Variants in CNTNAP2 observed in about 807,000 individuals in gnomAD.
CNTNAP2 encodes the protein contactin-associated protein-like 2.
A neutral mutation model predicts 155.2 loss-of-function variants in CNTNAP2; 98 were observed. The observed-to-expected ratio is 0.63, with a 90% CI of 0.54 to 0.75. CNTNAP2 has a LOEUF of 0.75. CNTNAP2 is among the 30% of genes least tolerant of loss of function. The pLI is 0.00. For missense variants in CNTNAP2, 1,727 were observed against 1,688.1 expected (o/e 1.02, Z -0.40); for synonymous variants, 651 against 631.2 (o/e 1.03, Z -0.47).
At chr7:146,496,184 G>T (rs1035324635) in intron 1 of CNTNAP2, among the ~76,000 whole-genome samples, 1 of 152,112 alleles carries the variant, frequency 6.6e-6, no homozygotes, top group African/African-American at 2.4e-5. Context: ...TGATGATCAA[G>T]TCTCCTAAGC....
chr7:146,595,996 T>C (rs985668791), intron 1 of CNTNAP2, among the ~76,000 whole-genome samples: 3 of 152,066 alleles, frequency 2.0e-5, no homozygotes, highest in African/African-American at 4.8e-5. Context: ...TTTACTGATA[T>C]TGTAGCACTG....
intron 1 of CNTNAP2, among the ~76,000 whole-genome samples, chr7:146,673,866 A>G (rs1232271237): frequency 6.6e-6 from 1 of 152,152 alleles, no homozygotes; most frequent in Non-Finnish European, 1.5e-5. Context: ...TATAGGCATG[A>G]GCCATTGCAC....
chr7:147,292,876 TCTC>T (rs1473573617), intron 8 of CNTNAP2, among the ~76,000 whole-genome samples: 1 of 152,164 alleles, frequency 6.6e-6, no homozygotes, highest in Middle Eastern at 3.2e-3. Flanking sequence ...TTCAGGTGAT[TCTC>T]CTGCCTCAGC....
At chr7:147,483,563 C>T (rs765974287) in intron 10 of CNTNAP2, among the ~76,000 whole-genome samples, 33 of 152,118 alleles carry the variant, frequency 2.2e-4, no homozygotes, top group Admixed American at 3.9e-4. Flanking sequence ...TACTTAGTAC[C>T]CTTCTGCACT....
chr7:148,301,306 A>AAAATATATATATATATATATAT, intron 21 of CNTNAP2, among the ~76,000 whole-genome samples: 11 of 103,870 alleles, frequency 1.1e-4, no homozygotes, highest in Non-Finnish European at 1.5e-4. Flanking sequence ...AAAAAAAAAA[A>AAAATATATATATATATATATAT]ATATATATAT....
chr7:146,146,116 A>G (rs961806104), intron 1 of CNTNAP2, among the ~76,000 whole-genome samples: 3 of 152,198 alleles, frequency 2.0e-5, no homozygotes, highest in Admixed American at 2.0e-4. Flanking sequence ...AAAGAAATGT[A>G]TAACATATCA....
chr7:146,969,971 A>G (rs1417666433), intron 3 of CNTNAP2, among the ~76,000 whole-genome samples: 1 of 152,222 alleles, frequency 6.6e-6, no homozygotes, highest in Non-Finnish European at 1.5e-5. Flanking sequence ...AGGATTCCCT[A>G]TTTAATAAAT....
At chr7:147,330,459 A>G (rs925721857) in intron 9 of CNTNAP2, among the ~76,000 whole-genome samples, 5 of 152,148 alleles carry the variant, frequency 3.3e-5, no homozygotes, top group African/African-American at 7.2e-5. Context: ...GAGGTTTGTG[A>G]GAACCCAAGA....
chr7:147,177,698 T>C lies in CNTNAP2; in HGVS notation c.1348+45189T>C, dbSNP rs147439935. ...AAACCAAAATATAGGGGAAACTGCA[T>C]AGACTTGGTGTTTGTTGGTAGGATG... On this transcript the variant is annotated intron_variant, in intron 8 of 23. Coordinates refer to ENST00000361727, the MANE Select transcript of CNTNAP2 (RefSeq NM_014141.6). Among the ~76,000 whole-genome samples the C allele has an allele frequency of 3.8e-3, 580 of 152,274 alleles. 6 individuals carry two copies. The highest frequency in any genetic ancestry group is 0.013 in the African/African-American group (554 of 41,564).
At chr7:148,311,113 T>A (rs2116517477) in intron 21 of CNTNAP2, among the ~76,000 whole-genome samples, 1 of 151,758 alleles carries the variant, frequency 6.6e-6, no homozygotes, top group East Asian at 1.9e-4. Flanking sequence ...AGAGTTGATA[T>A]AAGGAGAAAG....
At chr7:148,402,726 ATAAT>A (rs1799616539) in intron 22 of CNTNAP2, among the ~76,000 whole-genome samples, 2 of 152,212 alleles carry the variant, frequency 1.3e-5, no homozygotes, top group African/African-American at 4.8e-5. Context: ...AAATTAAATT[ATAAT>A]TAATAGCAGC....
chr7:147,073,755 C>A (rs1799943017), intron 4 of CNTNAP2, among the ~76,000 whole-genome samples: 1 of 151,956 alleles, frequency 6.6e-6, no homozygotes, highest in Non-Finnish European at 1.5e-5. Flanking sequence ...AGAGATCATG[C>A]AAGATGAGGA....
chr7:148,138,542 G>A lies in CNTNAP2; in HGVS notation c.2555-8949G>A, dbSNP rs747871946. ...CTTAAATGAGTTTTCTCATTTTGCCGCACAACCTGAATATGGTCGGAAGAA... is the reference window on the plus strand; with the variant it reads ...CTTAAATGAGTTTTCTCATTTTGCCACACAACCTGAATATGGTCGGAAGAA... On this transcript the variant is annotated intron_variant, in intron 16 of 23. Transcript: ENST00000361727. Among the ~76,000 whole-genome samples, 8 of 152,138 alleles carry A rather than the reference G, an allele frequency of 5.3e-5. No homozygotes were observed. The South Asian group carries it at 8.3e-4, about 16-fold the overall frequency.
chr7:146,127,168 C>A (rs1174635810), intron 1 of CNTNAP2, among the ~76,000 whole-genome samples: 1 of 152,168 alleles, frequency 6.6e-6, no homozygotes, highest in African/African-American at 2.4e-5. Flanking sequence ...AATCATATTT[C>A]TCTTATACCT....
At chr7:148,334,309 G>A (rs1004334851) in intron 21 of CNTNAP2, among the ~76,000 whole-genome samples, 1 of 152,154 alleles carries the variant, frequency 6.6e-6, no homozygotes, top group Non-Finnish European at 1.5e-5. Context: ...GGCAAGAGAA[G>A]CACAGTTCAC....
chr7:146,615,429 C>G (rs1344740730), intron 1 of CNTNAP2, among the ~76,000 whole-genome samples: 1 of 152,100 alleles, frequency 6.6e-6, no homozygotes, highest in Admixed American at 6.6e-5. Flanking sequence ...GACATTTCTT[C>G]CTGTGAAATA....
Position 147,414,757 on chromosome 7 carries a change from A to C in CNTNAP2, c.1670+18977A>C, listed in dbSNP as rs531043640. ...GAGATCGAGACTATCCTGGCTAACAAGGTGAAACCCCGTCTCTACTAAAAA... is the reference window on the plus strand; with the variant it reads ...GAGATCGAGACTATCCTGGCTAACACGGTGAAACCCCGTCTCTACTAAAAA... On this transcript the variant is annotated intron_variant, in intron 10 of 23. Transcript: ENST00000361727. 5.5e-3 allele frequency among the ~76,000 whole-genome samples: 829 copies of C among 151,828 alleles called. 5 individuals are homozygous for C. Among genetic ancestry groups the C allele is most frequent in the African/African-American group, 0.018 (737 of 41,458 alleles).
rs558401436 is a variant in CNTNAP2, at chr7:148,198,548, G to T, written c.3011-18740G>T. Among the ~76,000 whole-genome samples, 4 of 152,298 alleles carry T rather than the reference G, an allele frequency of 2.6e-5. No homozygotes were observed. The South Asian group carries it at 8.3e-4, about 32-fold the overall frequency. ...GAAATAACTACATCCCTGCTCTACA[G>T]CTATGAGGATTGTGACCGTATGTGT... On this transcript the variant is annotated intron_variant, in intron 18 of 23. Coordinates refer to ENST00000361727, the MANE Select transcript of CNTNAP2 (RefSeq NM_014141.6).
intron 21 of CNTNAP2, among the ~76,000 whole-genome samples, chr7:148,353,570 C>T (rs1351213138): frequency 6.6e-6 from 1 of 152,150 alleles, no homozygotes; most frequent in African/African-American, 2.4e-5. Context: ...GACAGTAATA[C>T]TAAAAATCTC....
Sources: gnomAD v4.1 joint callset for allele counts (sites outside exome capture counted in the v4.1 genomes callset) on GRCh38, gnomAD v4.1.1 for gene constraint, MANE v1.5 for transcripts, NCBI Gene and HGNC (gene_info 2026-07-23, HGNC 2026-07-21) for gene names.